Variants in SGCD observed in about 807,000 individuals in gnomAD.
The protein encoded by SGCD is sarcoglycan delta.
A neutral mutation model predicts 36.6 loss-of-function variants in SGCD; 18 were observed. That is an observed-to-expected ratio of 0.49 (90% CI 0.34 to 0.73). The LOEUF is 0.73. Ranked by LOEUF, SGCD falls within the 30% of genes least tolerant of loss-of-function variation. The pLI is 0.01. For synonymous variants in SGCD, 133 were observed against 130.6 expected, an observed-to-expected ratio of 1.02 and a Z score of -0.12; for missense variants, 387 against 346.7, an observed-to-expected ratio of 1.12 and a Z score of -0.92.
chr5:156,288,600 A>G (rs1337701617), intron 3 of SGCD, among the ~76,000 whole-genome samples: 1 of 152,164 alleles, frequency 6.6e-6, no homozygotes, highest in East Asian at 1.9e-4. Context: ...ACAATGGCAA[A>G]CTCAGTGTGT....
intron 1 of SGCD, among the ~76,000 whole-genome samples, chr5:155,886,853 G>A (rs1044752357): frequency 1.3e-5 from 2 of 152,152 alleles, no homozygotes; most frequent in African/African-American, 4.8e-5. Flanking sequence ...CACTGAATCT[G>A]GATGTTCCCT....
At chr5:156,736,040 G>A (rs1449815368) in intron 7 of SGCD, among the ~76,000 whole-genome samples, 3 of 152,074 alleles carry the variant, frequency 2.0e-5, no homozygotes, top group Non-Finnish European at 2.9e-5. Flanking sequence ...CCTTGGCAAG[G>A]GAGGTTCCCT....
upstream of SGCD, among the ~76,000 whole-genome samples, chr5:155,867,693 G>A (rs553160489): frequency 6.6e-6 from 1 of 152,300 alleles, no homozygotes; most frequent in Middle Eastern, 3.4e-3. Flanking sequence ...AGCAGCAGCA[G>A]TTGTAGCTGT....
At chr5:155,965,414 G>A (rs1459966735) in intron 1 of SGCD, among the ~76,000 whole-genome samples, 2 of 152,004 alleles carry the variant, frequency 1.3e-5, no homozygotes, top group African/African-American at 2.4e-5. Context: ...CATTGTTCAG[G>A]TCCTGCCTGC....
chr5:156,623,499 A>G (rs1375357070), intron 6 of SGCD, among the ~76,000 whole-genome samples: 1 of 152,222 alleles, frequency 6.6e-6, no homozygotes, highest in Non-Finnish European at 1.5e-5. Flanking sequence ...GACTCAGCCC[A>G]AAGAAAAGAA....
chr5:156,141,315 A>G (rs533970388), intron 3 of SGCD, among the ~76,000 whole-genome samples: 5 of 152,316 alleles, frequency 3.3e-5, no homozygotes, highest in Non-Finnish European at 5.9e-5. Flanking sequence ...GAAAATGTCT[A>G]GTAGAGCCAT....
intron 3 of SGCD, among the ~76,000 whole-genome samples, chr5:156,386,913 T>C (rs1771305308): frequency 6.6e-6 from 1 of 152,258 alleles, no homozygotes; most frequent in Non-Finnish European, 1.5e-5. Context: ...TTATTCATTG[T>C]TGTTTCTTGT....
At chr5:156,723,532 G>A (rs1755617114) in intron 7 of SGCD, among the ~76,000 whole-genome samples, 1 of 152,200 alleles carries the variant, frequency 6.6e-6, no homozygotes, top group African/African-American at 2.4e-5. Flanking sequence ...GTAAATATAT[G>A]CAAAATTGCA....
At chr5:155,974,452 C>A (rs547004235) in intron 1 of SGCD, among the ~76,000 whole-genome samples, 3 of 152,074 alleles carry the variant, frequency 2.0e-5, no homozygotes, top group African/African-American at 7.2e-5. Flanking sequence ...TATCATGAGC[C>A]AACTAGATGT....
intron 3 of SGCD, among the ~76,000 whole-genome samples, chr5:156,409,328 C>T (rs917101347): frequency 6.6e-6 from 1 of 152,094 alleles, no homozygotes; most frequent in Non-Finnish European, 1.5e-5. Context: ...AATGGTCAAA[C>T]TTCTCTGTTT....
chr5:156,259,758 G>A (rs953976585), intron 3 of SGCD, among the ~76,000 whole-genome samples: 1 of 152,028 alleles, frequency 6.6e-6, no homozygotes, highest in African/African-American at 2.4e-5. Flanking sequence ...ATTAGATAAG[G>A]TCGTCAGGGT....
chr5:156,007,795 C>T (rs1202266338), intron 1 of SGCD, among the ~76,000 whole-genome samples: 1 of 152,184 alleles, frequency 6.6e-6, no homozygotes, highest in Admixed American at 6.5e-5. Flanking sequence ...AAACAAAAAG[C>T]TATCCAGATG....
intron 1 of SGCD, among the ~76,000 whole-genome samples, chr5:156,030,867 G>T (rs1232993977): frequency 1.3e-5 from 2 of 152,152 alleles, no homozygotes; most frequent in Non-Finnish European, 2.9e-5. Context: ...AACACACATA[G>T]AATATACCAT....
At chr5:156,660,567 CA>C (rs1763879763) in intron 7 of SGCD, among the ~76,000 whole-genome samples, 1 of 150,674 alleles carries the variant, frequency 6.6e-6, no homozygotes, top group Non-Finnish European at 1.5e-5. Context: ...ATCTTTCCAC[CA>C]AATTAGTTTT....
chr5:155,987,819 G>C (rs993042411), intron 1 of SGCD, among the ~76,000 whole-genome samples: 1 of 152,080 alleles, frequency 6.6e-6, no homozygotes, highest in Non-Finnish European at 1.5e-5. Context: ...ATGGCCTTCT[G>C]TGGTTCATAT....
chr5:156,364,895 T>C (rs1770005925), intron 3 of SGCD, among the ~76,000 whole-genome samples: 1 of 152,132 alleles, frequency 6.6e-6, no homozygotes, highest in African/African-American at 2.4e-5. Flanking sequence ...GTCTGGGCTT[T>C]TTCACAAGCT....
At chr5:156,150,481 T>C (rs1469861418) in intron 3 of SGCD, among the ~76,000 whole-genome samples, 1 of 151,768 alleles carries the variant, frequency 6.6e-6, no homozygotes, top group Non-Finnish European at 1.5e-5. Flanking sequence ...CCTACTGGAC[T>C]ATGATGTTCC....
chr5:156,256,848 G>A (rs1193863014), intron 3 of SGCD, among the ~76,000 whole-genome samples: 1 of 152,074 alleles, frequency 6.6e-6, no homozygotes, highest in Non-Finnish European at 1.5e-5. Flanking sequence ...TTTTTGCTGA[G>A]TTGACATTTA....
intron 3 of SGCD, among the ~76,000 whole-genome samples, chr5:156,370,778 A>G (rs1770342492): frequency 6.6e-6 from 1 of 152,134 alleles, no homozygotes; most frequent in Non-Finnish European, 1.5e-5. Context: ...AATAGGAGCA[A>G]AAAAACAAAA....
Sources: gnomAD v4.1 joint callset for allele counts (sites outside exome capture counted in the v4.1 genomes callset) on GRCh38, gnomAD v4.1.1 for gene constraint, MANE v1.5 for transcripts, NCBI Gene and HGNC (gene_info 2026-07-23, HGNC 2026-07-21) for gene names.